ACTR8: variants seen among roughly 807,000 people sequenced by gnomAD.
The protein encoded by ACTR8 is actin related protein 8, also known as actin-related protein 8.
A neutral mutation model predicts 84.3 loss-of-function variants in ACTR8; 70 were observed. The observed-to-expected ratio is 0.83, with a 90% CI of 0.68 to 1.01. ACTR8 has a LOEUF of 1.01. ACTR8 is among the 50% of genes least tolerant of loss of function. The probability of loss-of-function intolerance (pLI) is 0.00; values close to 1 mark genes in which losing one functional copy is unlikely to be tolerated. For synonymous variants in ACTR8, 268 were observed against 275.2 expected, an observed-to-expected ratio of 0.97 and a Z score of 0.26; for missense variants, 672 against 775.4, an observed-to-expected ratio of 0.87 and a Z score of 1.58.
In ACTR8 at chr3:53,870,590, G is replaced by A. The variant is rs1193915329; in HGVS notation, c.1568-445C>T. On this transcript the variant is annotated intron_variant, in intron 11 of 12. Transcript: ENST00000335754. The surrounding 1 kb of genome is among the most constrained non-coding windows in gnomAD (Gnocchi z 4.1). ...CACTTGAACCCAGGAGGCAGAGGTTGTGGTGAGCCGCAATCACGCCATTGC... is the reference window on the plus strand; with the variant it reads ...CACTTGAACCCAGGAGGCAGAGGTTATGGTGAGCCGCAATCACGCCATTGC... Among the ~76,000 whole-genome samples, 4 of 152,196 alleles carry A rather than the reference G, an allele frequency of 2.6e-5. No homozygotes were observed. The highest frequency in any genetic ancestry group is 2.6e-4 in the Admixed American group (4 of 15,282).
At chr3:53,877,062 A>T in intron 5 of ACTR8, 152 bp downstream of exon 5, 1 of 681,452 alleles carries the variant, frequency 1.5e-6, no homozygotes, top group Non-Finnish European at 2.2e-6. Flanking sequence ...TTAAGTGAAG[A>T]AGAAAAGACA....
rs746930851 is a variant in ACTR8, at chr3:53,880,049, G to T, written c.184C>A (p.Arg62=). Residue 62 remains arginine, a synonymous_variant, in exon 2 of 13, where the codon CGA becomes AGA. Transcript: ENST00000335754. ...HPGSTTLRIG[R]ATDTLPASIP... is the part of the protein sequence containing the mutation. ...CTGGCAGGAAGAGTGTCTGTGGCTC[G>T]ACCAATCCTTAAAGTTGTTGAACCT... is the stretch of plus-strand genomic sequence containing the variant. 4 of 1,613,774 alleles carry T rather than the reference G, an allele frequency of 2.5e-6. No individual in the cohort carries two copies. In the East Asian group the frequency reaches 8.9e-5, roughly 36 times the overall value.
downstream of ACTR8, chr3:53,865,181 G>C: frequency 6.2e-7 from 1 of 1,614,142 alleles, no homozygotes. Context: ...AATGCTCTCA[G>C]TGTCTGCCCC....
intron 7 of ACTR8, 97 bp downstream of exon 7, chr3:53,875,851 T>G (rs1699956698): frequency 6.6e-7 from 1 of 1,525,628 alleles, no homozygotes; most frequent in African/African-American, 1.4e-5. Flanking sequence ...AATTTATGGT[T>G]ATCTTATAAT....
intron 9 of ACTR8, among the ~76,000 whole-genome samples, 195 bp from the exon 10 acceptor site, chr3:53,872,719 GAT>G (rs1559792280): frequency 1.3e-5 from 2 of 152,290 alleles, no homozygotes; most frequent in Admixed American, 6.5e-5. Context: ...CATCCAACCA[GAT>G]GGGTGATATG....
chr3:53,874,125 A>G (rs2107061052), intron 8 of ACTR8, 86 bp downstream of exon 8: 1 of 1,438,068 alleles, frequency 7.0e-7, no homozygotes. Flanking sequence ...TGCCCAGCCA[A>G]TGCTGTTACA....
chr3:53,881,565 T>C (rs1260826238), intron 1 of ACTR8: 1 of 268,766 alleles, frequency 3.7e-6, no homozygotes, highest in African/African-American at 2.3e-5. Context: ...AACTATCCCT[T>C]AACAAGCACA....
At chr3:53,877,792 A>G (rs1699999696) in intron 3 of ACTR8, 41 bp from the exon 4 acceptor site, 1 of 1,555,602 alleles carries the variant, frequency 6.4e-7, no homozygotes, top group Non-Finnish European at 8.9e-7. Flanking sequence ...CAATTTATTC[A>G]AGGCGGGGGC....
At chr3:53,876,540 A>C (rs1699976672) in intron 6 of ACTR8, 80 bp downstream of exon 6, 1 of 809,256 alleles carries the variant, frequency 1.2e-6, no homozygotes, top group African/African-American at 1.8e-5. Flanking sequence ...TAAATAAATA[A>C]GTCAGTAAAT....
chr3:53,866,072 A>G (rs1314278990), downstream of ACTR8, among the ~76,000 whole-genome samples: 1 of 152,256 alleles, frequency 6.6e-6, no homozygotes, highest in Admixed American at 6.5e-5. Flanking sequence ...TAACCTTTTT[A>G]TAAATGAGTT....
chr3:53,871,309 C>A lies in ACTR8; in HGVS notation c.1490G>T (p.Arg497Met), dbSNP rs1236094230. The change falls in exon 11 of 13, where the codon AGG becomes ATG. Residue 497 changes from arginine to methionine, a missense_variant. Transcript: ENST00000335754. Reference protein sequence around the residue: ...SEEALTALMSRKTAISLFEGK... With the variant: ...SEEALTALMSMKTAISLFEGK... Reference sequence around the variant, plus strand: ...TTCAAACAGCGAGATGGCAGTCTTCCTGGACATCAGTGCAGTGAGGGCCTC... The same window carrying A: ...TTCAAACAGCGAGATGGCAGTCTTCATGGACATCAGTGCAGTGAGGGCCTC... 1.2e-6 allele frequency: 2 copies of A among 1,614,138 alleles called. No individual in the cohort carries two copies. The highest frequency in any genetic ancestry group is 1.7e-6 in the Non-Finnish European group (2 of 1,180,056).
chr3:53,870,543 C>T lies in ACTR8; in HGVS notation c.1568-398G>A, dbSNP rs1163414570. 7.9e-5 allele frequency among the ~76,000 whole-genome samples: 12 copies of T among 152,066 alleles called. No homozygotes were observed. Among genetic ancestry groups the T allele is most frequent in the African/African-American group, 2.7e-4 (11 of 41,412 alleles). On this transcript the variant is annotated intron_variant, in intron 11 of 12. Transcript: ENST00000335754. This position sits in a 1 kb window ranked among gnomAD's most constrained non-coding sequence, Gnocchi z 4.1. ...GCGTGCGCCTGTAGTCCCAGCTACT[C>T]GGGAGGCTGAGGCAGGAGAATCACT...
downstream of ACTR8, chr3:53,865,255 G>C (rs775704523): frequency 6.2e-7 from 1 of 1,611,906 alleles, no homozygotes. Flanking sequence ...CAAGCAGCAG[G>C]TGTCAGCAGG....
chr3:53,863,821 A>ATT (rs11318618), downstream of ACTR8, among the ~76,000 whole-genome samples: 260 of 138,320 alleles, frequency 1.9e-3, 4 homozygotes, highest in East Asian at 0.027. Context: ...ACCTCAAAGT[A>ATT]TTTTTTTTTT....
At chr3:53,863,272 G>A (rs1559784371), downstream of ACTR8, among the ~76,000 whole-genome samples, 1 of 152,136 alleles carries the variant, frequency 6.6e-6, no homozygotes, top group Non-Finnish European at 1.5e-5. Flanking sequence ...TGCAGGGCCG[G>A]TGCCCCTCCC....
intron 4 of ACTR8, 123 bp from the exon 5 acceptor site, chr3:53,877,510 G>A: frequency 7.6e-7 from 1 of 1,312,562 alleles, no homozygotes; most frequent in South Asian, 1.5e-5. Flanking sequence ...TGAAGTAGGA[G>A]TCGGTGTGAC....
Position 53,867,902 on chromosome 3 carries a change from AC to A in ACTR8, c.*816del, listed in dbSNP as rs1699818104. The A allele has an allele frequency of 6.6e-6, 1 of 152,344 alleles. No individual in the cohort carries two copies. Among genetic ancestry groups the A allele is most frequent in the Admixed American group, 6.5e-5 (1 of 15,308 alleles). The allele number at this position is 152,344 out of a possible 1,614,324, so 9.4% of individuals were successfully genotyped here. On this transcript the variant is annotated 3_prime_UTR_variant, in exon 13 of 13. Transcript: ENST00000335754. The stretch of plus-strand genomic sequence containing the variant: ...GGTAAAGGAAAATTGAGGCTTGATG[AC>A]TAAGTTGGTAGTATTAATAACTACA...
intron 2 of ACTR8, 124 bp downstream of exon 2, chr3:53,879,815 A>T: frequency 9.9e-7 from 1 of 1,005,072 alleles, no homozygotes; most frequent in Non-Finnish European, 1.4e-6. Context: ...AATTAGTGAC[A>T]TTATTAATGT....
chr3:53,859,100 C>A, the ACTR8 span: 2 of 297,820 alleles, frequency 6.7e-6, no homozygotes, highest in East Asian at 6.1e-5. Flanking sequence ...CTGAGTGCCA[C>A]AAGGATCTGC....
Sources: allele counts gnomAD v4.1 joint callset (sites outside exome capture counted in the v4.1 genomes callset), GRCh38; gene constraint gnomAD v4.1.1; non-coding constraint Gnocchi (gnomAD v3.1); transcripts MANE v1.5; gene names NCBI Gene and HGNC (gene_info 2026-07-23, HGNC 2026-07-21).